Variants in ABCF2 observed in about 807,000 individuals in gnomAD.
The protein encoded by ABCF2 is ATP-binding cassette sub-family F member 2.
Under a neutral mutation model 76.9 loss-of-function variants are expected in ABCF2, and 37 were observed. That is an observed-to-expected ratio of 0.48 (90% CI 0.37 to 0.63). The LOEUF is 0.63. Ranked by LOEUF, ABCF2 falls within the 30% of genes least tolerant of loss-of-function variation. The pLI is 0.00. For synonymous variants in ABCF2, 299 were observed against 283.7 expected, an observed-to-expected ratio of 1.05 and a Z score of -0.54; for missense variants, 524 against 782.1, an observed-to-expected ratio of 0.67 and a Z score of 3.94.
chr7:151,221,463 A>G (rs1330206069), intron 7 of ABCF2, 115 bp downstream of exon 7: 6 of 725,080 alleles, frequency 8.3e-6, no homozygotes, highest in Non-Finnish European at 1.4e-5. Context: ...CGGCCTCCCA[A>G]AGTGCTGGGA....
intron 7 of ABCF2, among the ~76,000 whole-genome samples, chr7:151,219,701 C>T (rs918655846): frequency 1.3e-5 from 2 of 152,222 alleles, no homozygotes; most frequent in African/African-American, 4.8e-5. Context: ...TAACGAAATA[C>T]TATGCAGTGA....
intron 1 of ABCF2, chr7:151,226,771 T>C (rs1298307336): frequency 7.9e-6 from 2 of 252,666 alleles, no homozygotes; most frequent in African/African-American, 2.3e-5. Flanking sequence ...GGCCTCCGGC[T>C]GGGGACCAGG....
chr7:151,221,787 G>A (rs2150575294), intron 6 of ABCF2, 107 bp from the exon 7 acceptor site: 3 of 803,090 alleles, frequency 3.7e-6, no homozygotes, highest in South Asian at 1.5e-5. Context: ...CCTTTTAGAT[G>A]TGTTGTCCAA....
At chr7:151,220,398 A>G (rs1299779114) in intron 7 of ABCF2, among the ~76,000 whole-genome samples, 1 of 151,910 alleles carries the variant, frequency 6.6e-6, no homozygotes, top group African/African-American at 2.4e-5. Flanking sequence ...AAAAAAAAAA[A>G]AAAAAAAAAG....
In ABCF2 at chr7:151,214,297, C is replaced by T. The variant is rs1236863955; in HGVS notation, c.1735-106G>A. On this transcript the variant is annotated intron_variant, in intron 14 of 14. Coordinates refer to ENST00000287844, the MANE Select transcript of ABCF2 (RefSeq NM_007189.3). This position sits in a 1 kb window ranked among gnomAD's most constrained non-coding sequence, Gnocchi z 4.9. The stretch of plus-strand genomic sequence containing the variant: ...AGGAAGAAAACTCCGCCCCCCAAAC[C>T]CATATCCAACTCACTGTCTCACTAC... 1 of 1,493,268 alleles carries T rather than the reference C, an allele frequency of 6.7e-7. No homozygotes were observed. The highest frequency in any genetic ancestry group is 1.4e-5 in the African/African-American group (1 of 71,872). 92.5% of individuals were successfully genotyped at this position (1,493,268 alleles called of 1,614,324 possible). A position where few individuals can be genotyped will look rare whatever the true frequency, so the allele number is the denominator to read the frequency against.
At chr7:151,222,722 T>A (rs1016579333) in intron 5 of ABCF2, 106 bp from the exon 6 acceptor site, 2 of 826,896 alleles carry the variant, frequency 2.4e-6, no homozygotes, top group African/African-American at 3.5e-5. Flanking sequence ...GCTCCTGGCT[T>A]GAGTCTTGAA....
chr7:151,217,982 C>G (rs758453354), intron 11 of ABCF2, 99 bp downstream of exon 11: 21 of 865,070 alleles, frequency 2.4e-5, no homozygotes, highest in Non-Finnish European at 3.6e-5. Flanking sequence ...CCAGGGTACT[C>G]AGGCCCTCCC....
At chr7:151,226,153 A>T in intron 2 of ABCF2, 152 bp downstream of exon 2, 1 of 963,700 alleles carries the variant, frequency 1.0e-6, no homozygotes. Flanking sequence ...ACAGGGTGGC[A>T]CGAATTCCAA....
At position 151,213,396 on chromosome 7, in the gene ABCF2, T is replaced by A; in HGVS notation, c.*658A>T. The A allele has an allele frequency of 1.0e-6, 1 of 985,350 alleles. No individual in the cohort carries two copies. The highest frequency in any genetic ancestry group is 1.7e-5 in the African/African-American group (1 of 57,326). 61.0% of individuals were successfully genotyped at this position (985,350 alleles called of 1,614,324 possible). A position where few individuals can be genotyped will look rare whatever the true frequency, so the allele number is the denominator to read the frequency against. On this transcript the variant is annotated 3_prime_UTR_variant, in exon 15 of 15. Transcript: ENST00000287844. Reference sequence around the variant, plus strand: ...AGTTCTTCCAGCTCCTATGGACTAGTCTTCAGTTCCCATCGACACACTGAC... The same window carrying A: ...AGTTCTTCCAGCTCCTATGGACTAGACTTCAGTTCCCATCGACACACTGAC...
At chr7:151,219,574 T>C (rs925552097) in intron 7 of ABCF2, among the ~76,000 whole-genome samples, 2 of 152,304 alleles carry the variant, frequency 1.3e-5, no homozygotes, top group Admixed American at 1.3e-4. Flanking sequence ...ACCATTCAGA[T>C]TTAGAAGCTG....
intron 10 of ABCF2, 47 bp downstream of exon 10, chr7:151,218,514 T>G: frequency 6.6e-7 from 1 of 1,520,226 alleles, no homozygotes; most frequent in South Asian, 1.1e-5. Flanking sequence ...GAGCTGCCAC[T>G]CACCCTAAGA....
At chr7:151,216,276 A>G (rs1481223253) in intron 11 of ABCF2, among the ~76,000 whole-genome samples, 1 of 152,250 alleles carries the variant, frequency 6.6e-6, no homozygotes, top group Non-Finnish European at 1.5e-5. Flanking sequence ...TGAATGCACT[A>G]TGCTGTATAA....
chr7:151,220,228 A>C (rs930155822), intron 7 of ABCF2, among the ~76,000 whole-genome samples: 7 of 151,822 alleles, frequency 4.6e-5, no homozygotes, highest in Non-Finnish European at 7.4e-5. Flanking sequence ...ATCTCTACTA[A>C]AAATACAAAA....
chr7:151,223,567 CTCATT>C (rs1404770317), intron 5 of ABCF2, 106 bp downstream of exon 5: 1 of 1,271,852 alleles, frequency 7.9e-7, no homozygotes, highest in African/African-American at 1.5e-5. Context: ...ATGTCCATGT[CTCATT>C]TGACACTTAC....
chr7:151,223,180 T>C (rs891515683), intron 5 of ABCF2, among the ~76,000 whole-genome samples: 1 of 152,068 alleles, frequency 6.6e-6, no homozygotes, highest in African/African-American at 2.4e-5. Context: ...TCTTATAAAT[T>C]CCCTTCACAG....
chr7:151,212,258 A>C lies in ABCF2; in HGVS notation c.*1796T>G. 1 of 985,454 alleles carries C rather than the reference A, an allele frequency of 1.0e-6. No individual in the cohort carries two copies. Among genetic ancestry groups the C allele is most frequent in the Non-Finnish European group, 1.2e-6 (1 of 829,928 alleles). 61.0% of individuals were successfully genotyped at this position (985,454 alleles called of 1,614,324 possible). ...TGAATCCACACCAGGAAGGATGGCC[A>C]CTGGTGAAATGCTATTGAAGTTCAA... On this transcript the variant is annotated 3_prime_UTR_variant, in exon 15 of 15. Transcript: ENST00000287844.
Position 151,212,755 on chromosome 7 carries a change from T to A in ABCF2, c.*1299A>T, listed in dbSNP as rs535551524. 2.9e-4 allele frequency: 45 copies of A among 156,270 alleles called. 1 individual carries two copies. The highest frequency in any genetic ancestry group is 1.2e-3 in the South Asian group (6 of 4,894). 9.7% of individuals were successfully genotyped at this position (156,270 alleles called of 1,614,324 possible). ...ATCCTCCTACAGTGGCCTCCCAAGG[T>A]GATGAGCTTACAGTCGGATTACAGG... is the stretch of plus-strand genomic sequence containing the variant. On this transcript the variant is annotated 3_prime_UTR_variant, in exon 15 of 15. Coordinates refer to ENST00000287844, the MANE Select transcript of ABCF2 (RefSeq NM_007189.3).
In ABCF2 at chr7:151,213,846, C is replaced by T; in HGVS notation, c.*208G>A. ...CGAGTCCAGACATGGACAGATGTAA[C>T]TGGAAGGAGGACAGGAAACAGACAG... On this transcript the variant is annotated 3_prime_UTR_variant, in exon 15 of 15. Transcript: ENST00000287844. The T allele has an allele frequency of 7.1e-7, 1 of 1,399,082 alleles. No individual in the cohort carries two copies. The highest frequency in any genetic ancestry group is 9.2e-7 in the Non-Finnish European group (1 of 1,082,396). The allele number at this position is 1,399,082 out of a possible 1,614,324, so 86.7% of individuals were successfully genotyped here.
At position 151,214,946 on chromosome 7, in the gene ABCF2, G is replaced by A; in HGVS notation, c.1667C>T (p.Ala556Val). 1 of 1,614,192 alleles carries A rather than the reference G, an allele frequency of 6.2e-7. No individual in the cohort carries two copies. The highest frequency in any genetic ancestry group is 8.5e-7 in the Non-Finnish European group (1 of 1,180,030). ...HLDIETIDAL[A>V]DAINEFEGGM... The stretch of plus-strand genomic sequence containing the variant: ...ACCCTCAAACTCATTGATGGCATCT[G>A]CCAGGGCGTCGATGGTCTCGATATC... The change falls in exon 14 of 15, where the codon GCA becomes GTA. Residue 556 changes from alanine (A) to valine (V), a missense_variant. Physicochemically the swap from Ala to Val is moderately conservative, Grantham distance 64. This residue lies in a region of ABCF2 where 194 missense variants were observed against 348.6 expected (regional missense o/e 0.56). Transcript: ENST00000287844. The surrounding 1 kb of genome is among the most constrained non-coding windows in gnomAD (Gnocchi z 4.9).
Sources: gnomAD v4.1 joint callset for allele counts (sites outside exome capture counted in the v4.1 genomes callset) on GRCh38, gnomAD v4.1.1 for gene constraint, gnomAD v4.1.1 regional missense constraint, Gnocchi (gnomAD v3.1) non-coding constraint, MANE v1.5 for transcripts, NCBI Gene and HGNC (gene_info 2026-07-23, HGNC 2026-07-21) for gene names.